CCM2: variants seen among roughly 807,000 people sequenced by gnomAD.
The protein encoded by CCM2 is CCM2 scaffold protein.
In CCM2, 25 loss-of-function variants were observed where a neutral mutation model predicts 44.9. The observed-to-expected ratio is 0.56, with a 90% CI of 0.41 to 0.78. The LOEUF (loss-of-function observed/expected upper bound fraction) is 0.78, where lower values mean the gene tolerates loss of function less well. CCM2 is among the 30% of genes least tolerant of loss of function. CCM2 has a pLI of 0.00. For missense variants in CCM2, 481 were observed against 580.6 expected, an observed-to-expected ratio of 0.83 and a Z score of 1.76; for synonymous variants, 219 against 241.1, an observed-to-expected ratio of 0.91 and a Z score of 0.85.
At chr7:45,033,034 A>G (rs907930055) in intron 1 of CCM2, among the ~76,000 whole-genome samples, 5 of 131,328 alleles carry the variant, frequency 3.8e-5, no homozygotes, top group African/African-American at 1.7e-4. Context: ...ACAAGAGCAA[A>G]ACTCCGTCTC....
At chr7:45,022,304 T>C in intron 1 of CCM2, among the ~76,000 whole-genome samples, 1 of 133,334 alleles carries the variant, frequency 7.5e-6, no homozygotes, top group East Asian at 2.2e-4. Context: ...TTTTTTTTTT[T>C]TTTTTTTTTT....
intron 2 of CCM2, among the ~76,000 whole-genome samples, chr7:45,050,146 T>A (rs568633092): frequency 6.6e-6 from 1 of 152,326 alleles, no homozygotes; most frequent in South Asian, 2.1e-4. Flanking sequence ...GTATTTAGAG[T>A]CACAAATACT....
At chr7:45,017,330 A>G (rs575401135) in intron 1 of CCM2, among the ~76,000 whole-genome samples, 21 of 152,366 alleles carry the variant, frequency 1.4e-4, no homozygotes, top group Non-Finnish European at 2.1e-4. Flanking sequence ...CACAGCCTCT[A>G]TAAACTGGCT....
chr7:45,035,387 T>C (rs1797166625), intron 1 of CCM2, among the ~76,000 whole-genome samples: 1 of 152,194 alleles, frequency 6.6e-6, no homozygotes, highest in Non-Finnish European at 1.5e-5. Context: ...GGACCTTTAG[T>C]CATCCTTACT....
chr7:45,037,837 C>G (rs528892176), intron 1 of CCM2, among the ~76,000 whole-genome samples: 1 of 152,368 alleles, frequency 6.6e-6, no homozygotes, highest in African/African-American at 2.4e-5. Flanking sequence ...GATGCTAGCA[C>G]TGGCCACACC....
intron 6 of CCM2, 170 bp downstream of exon 6, chr7:45,070,131 G>A (rs1798991878): frequency 1.3e-6 from 1 of 763,712 alleles, no homozygotes; most frequent in Non-Finnish European, 2.1e-6. Context: ...GTTTCATGAA[G>A]GCAGAAGTGT....
chr7:45,074,075 C>T, intron 8 of CCM2, 195 bp from the exon 9 acceptor site: 1 of 1,243,898 alleles, frequency 8.0e-7, no homozygotes, highest in Non-Finnish European at 1.1e-6. Context: ...GTGCCTTGGT[C>T]TCCTCTGGGT....
intron 2 of CCM2, among the ~76,000 whole-genome samples, chr7:45,062,823 T>C (rs975852931): frequency 1.0e-4 from 8 of 79,094 alleles, no homozygotes; most frequent in Non-Finnish European, 1.7e-4. Flanking sequence ...TGAGACCCTG[T>C]CTCAAAAAAA....
At chr7:45,021,571 AAAAAT>A (rs1215427618) in intron 1 of CCM2, among the ~76,000 whole-genome samples, 37 of 151,540 alleles carry the variant, frequency 2.4e-4, no homozygotes, top group South Asian at 4.1e-4. Context: ...CTCAAAAAAA[AAAAAT>A]AAAATAAAAT....
chr7:45,072,895 C>A, intron 7 of CCM2, 112 bp downstream of exon 7: 1 of 892,686 alleles, frequency 1.1e-6, no homozygotes, highest in Non-Finnish European at 1.8e-6. Context: ...CCTCGCTAAG[C>A]CATCCCCAGA....
chr7:45,070,372 T>C (rs1175024526), intron 6 of CCM2: 2 of 433,956 alleles, frequency 4.6e-6, no homozygotes, highest in African/African-American at 2.0e-5. Context: ...CTGCTCTTAA[T>C]GTGAAACTCC....
intron 2 of CCM2, chr7:45,043,706 G>A: frequency 2.6e-6 from 1 of 391,654 alleles, no homozygotes. Context: ...TTTCCTTCTA[G>A]GGCTCCCATT....
chr7:45,025,092 A>G (rs1173921332), intron 1 of CCM2, among the ~76,000 whole-genome samples: 2 of 152,218 alleles, frequency 1.3e-5, no homozygotes, highest in Non-Finnish European at 2.9e-5. Context: ...AACTTCATGT[A>G]AAGGACCAGA....
At chr7:45,022,617 G>A (rs1313384011) in intron 1 of CCM2, among the ~76,000 whole-genome samples, 1 of 151,240 alleles carries the variant, frequency 6.6e-6, no homozygotes, top group African/African-American at 2.4e-5. Context: ...TTTCTTTAGA[G>A]TTTCTGATGA....
At chr7:45,028,866 T>G (rs1315431042) in intron 1 of CCM2, among the ~76,000 whole-genome samples, 1 of 151,120 alleles carries the variant, frequency 6.6e-6, no homozygotes, top group Non-Finnish European at 1.5e-5. Flanking sequence ...TAGGCAGGGG[T>G]GCAATGTGGG....
intron 2 of CCM2, among the ~76,000 whole-genome samples, chr7:45,051,414 T>TTTATTTAC (rs1798000117): frequency 6.7e-6 from 1 of 148,530 alleles, no homozygotes; most frequent in African/African-American, 2.5e-5. Flanking sequence ...TATTTATTTA[T>TTTATTTAC]TGAGACATAG....
intron 2 of CCM2, among the ~76,000 whole-genome samples, chr7:45,048,259 A>C (rs1797850242): frequency 6.6e-6 from 1 of 152,172 alleles, no homozygotes; most frequent in South Asian, 2.1e-4. Context: ...TGCCTTTTTA[A>C]ACTGTATACA....
chr7:45,008,697 G>A (rs1369403760), intron 1 of CCM2, among the ~76,000 whole-genome samples: 1 of 152,128 alleles, frequency 6.6e-6, no homozygotes, highest in African/African-American at 2.4e-5. Flanking sequence ...CCTTGGTCAG[G>A]TCTAAGTGTC....
intron 1 of CCM2, among the ~76,000 whole-genome samples, chr7:45,006,174 C>T (rs535814509): frequency 8.9e-4 from 135 of 152,160 alleles, no homozygotes; most frequent in South Asian, 5.2e-3. Context: ...AATCATGTAA[C>T]GAAGTCCCCT....
Sources: gnomAD v4.1 joint callset for allele counts (sites outside exome capture counted in the v4.1 genomes callset) on GRCh38, gnomAD v4.1.1 for gene constraint, MANE v1.5 for transcripts, NCBI Gene and HGNC (gene_info 2026-07-23, HGNC 2026-07-21) for gene names.